Variants in SPDYA observed in about 807,000 individuals in gnomAD.
SPDYA encodes speedy protein A.
A neutral mutation model predicts 36.7 loss-of-function variants in SPDYA; 11 were observed. The ratio of observed to expected loss-of-function variants is 0.30; its 90% CI spans 0.19 to 0.50. The LOEUF (loss-of-function observed/expected upper bound fraction) is 0.50. SPDYA is among the 20% of genes least tolerant of loss of function. SPDYA has a pLI of 0.98. For missense variants in SPDYA, 287 were observed against 370.9 expected (o/e 0.77, Z 1.86); for synonymous variants, 115 against 118.7 (o/e 0.97, Z 0.20).
rs1409225264 is a variant in SPDYA, at chr2:28,850,511, T to A, written c.*570T>A. ...CTCTCTTTATTGTAAGTTTTTTCTT[T>A]ATTTATTTCCTTGCATATGTTTTAG... On this transcript the variant is annotated 3_prime_UTR_variant, in exon 8 of 8. Coordinates refer to ENST00000334056, the MANE Select transcript of SPDYA (RefSeq NM_182756.4). The A allele has an allele frequency of 2.7e-6, 2 of 736,796 alleles. No individual in the cohort carries two copies. The highest frequency in any genetic ancestry group is 3.7e-5 in the African/African-American group (2 of 54,360). 45.6% of individuals were successfully genotyped at this position (736,796 alleles called of 1,614,324 possible).
intron 7 of SPDYA, among the ~76,000 whole-genome samples, chr2:28,843,917 A>G (rs1227112695): frequency 6.6e-6 from 1 of 152,104 alleles, no homozygotes; most frequent in South Asian, 2.1e-4. Flanking sequence ...TGAAACATAG[A>G]TATATATTAT....
chr2:28,827,902 T>G (rs1668371090), intron 5 of SPDYA, among the ~76,000 whole-genome samples: 1 of 152,246 alleles, frequency 6.6e-6, no homozygotes, highest in Admixed American at 6.5e-5. Flanking sequence ...TTATTGATAC[T>G]GGCCTTCAGA....
intron 3 of SPDYA, among the ~76,000 whole-genome samples, chr2:28,817,032 A>G (rs1286183224): frequency 1.3e-5 from 2 of 152,154 alleles, no homozygotes; most frequent in Admixed American, 1.3e-4. Flanking sequence ...AAAGCAAGCT[A>G]GTTACGATTT....
At chr2:28,818,110 G>A (rs750196524) in intron 3 of SPDYA, among the ~76,000 whole-genome samples, 4 of 151,778 alleles carry the variant, frequency 2.6e-5, no homozygotes, top group Non-Finnish European at 4.4e-5. Flanking sequence ...GGCTACAGTT[G>A]AGCCAAGATC....
At chr2:28,822,530 G>A (rs1668193682) in intron 5 of SPDYA, 120 bp downstream of exon 5, 2 of 425,070 alleles carry the variant, frequency 4.7e-6, no homozygotes, top group African/African-American at 4.1e-5. Context: ...CTGTATAAAT[G>A]CTGTATGTTT....
chr2:28,848,026 C>T (rs1668926614), intron 7 of SPDYA, among the ~76,000 whole-genome samples: 1 of 152,164 alleles, frequency 6.6e-6, no homozygotes, highest in Non-Finnish European at 1.5e-5. Context: ...TGTGTAAGTA[C>T]ACTATGTAAT....
At chr2:28,848,801 T>C (rs1668953922) in intron 7 of SPDYA, among the ~76,000 whole-genome samples, 1 of 152,038 alleles carries the variant, frequency 6.6e-6, no homozygotes, top group Non-Finnish European at 1.5e-5. Flanking sequence ...CCCAGCACTT[T>C]GGGAGGTCAA....
chr2:28,815,027 AT>A (rs1667950829), intron 2 of SPDYA, among the ~76,000 whole-genome samples: 1 of 152,190 alleles, frequency 6.6e-6, no homozygotes, highest in South Asian at 2.1e-4. Context: ...CAAGCCCATA[AT>A]TCCCACACTT....
chr2:28,833,215 C>T (rs1429325388), intron 6 of SPDYA, among the ~76,000 whole-genome samples: 1 of 152,056 alleles, frequency 6.6e-6, no homozygotes, highest in Non-Finnish European at 1.5e-5. Flanking sequence ...TCAAAAGCCT[C>T]CAGTGTCTTC....
chr2:28,837,742 CTTTTTT>C (rs201687264), intron 6 of SPDYA, among the ~76,000 whole-genome samples: 1 of 132,598 alleles, frequency 7.5e-6, no homozygotes, highest in African/African-American at 2.9e-5. Flanking sequence ...AGAGTCAGTG[CTTTTTT>C]TTTTTTTTTT....
chr2:28,850,277 A>G lies in SPDYA; in HGVS notation c.*336A>G. 3 of 1,603,448 alleles carry G rather than the reference A, an allele frequency of 1.9e-6. No homozygotes were observed. Among genetic ancestry groups the G allele is most frequent in the Non-Finnish European group, 2.6e-6 (3 of 1,173,300 alleles). On this transcript the variant is annotated 3_prime_UTR_variant, in exon 8 of 8. Transcript: ENST00000334056. ...GAGAAGAAAAACATAAAGTCATTAT[A>G]TTAATTAAAAGAAAAAACACCATTT...
chr2:28,836,659 G>C (rs993452201), intron 6 of SPDYA, among the ~76,000 whole-genome samples: 2 of 151,796 alleles, frequency 1.3e-5, no homozygotes, highest in African/African-American at 4.8e-5. Flanking sequence ...TTCCCTTTTG[G>C]GTCTAAGCTC....
chr2:28,820,358 G>C (rs187193939), intron 4 of SPDYA, among the ~76,000 whole-genome samples: 334 of 152,030 alleles, frequency 2.2e-3, no homozygotes, highest in Non-Finnish European at 4.0e-3. Flanking sequence ...TGCTGAGGCG[G>C]GCAGATCACC....
rs777642524 is a variant in SPDYA, at chr2:28,822,399, C to T, written c.369C>T (p.Phe123=). ...TAAGTGAGCATACCAGGATAAATTT[C>T]TTTATTGCTCTGTAAGTATACTTTC... ...FTISEHTRIN[F]FIALYLANTV... Residue 123 remains phenylalanine (F), a synonymous_variant, in exon 5 of 8, where the codon TTC becomes TTT. Transcript: ENST00000334056. 6.5e-7 allele frequency: 1 copy of T among 1,527,678 alleles called. No homozygotes were observed. The highest frequency in any genetic ancestry group is 1.9e-5 in the Admixed American group (1 of 51,776). 94.6% of individuals were successfully genotyped at this position (1,527,678 alleles called of 1,614,324 possible).
In SPDYA at chr2:28,850,339, G is replaced by C. The variant is rs756642332; in HGVS notation, c.*398G>C. 4.3e-6 allele frequency: 7 copies of C among 1,609,864 alleles called. No homozygotes were observed. In the South Asian group the frequency reaches 7.8e-5, roughly 18 times the overall value. On this transcript the variant is annotated 3_prime_UTR_variant, in exon 8 of 8. Coordinates refer to ENST00000334056, the MANE Select transcript of SPDYA (RefSeq NM_182756.4). ...AAAACATTACTCACCTGTATGACCA[G>C]GTTGCCAGTGTACTGGTCTAGCAAC...
intron 7 of SPDYA, among the ~76,000 whole-genome samples, chr2:28,849,039 T>A (rs1668962184): frequency 2.0e-5 from 3 of 151,192 alleles, no homozygotes; most frequent in Non-Finnish European, 4.4e-5. Flanking sequence ...AATGAGAATC[T>A]GTCTCAAAAA....
intron 6 of SPDYA, among the ~76,000 whole-genome samples, chr2:28,838,171 G>A (rs1186429504): frequency 7.7e-6 from 1 of 129,982 alleles, no homozygotes; most frequent in Non-Finnish European, 1.6e-5. Context: ...GGTCATAGAA[G>A]TAACGGATTT....
intron 6 of SPDYA, among the ~76,000 whole-genome samples, chr2:28,830,200 CT>C (rs573724918): frequency 0.012 from 1,265 of 108,698 alleles, 9 homozygotes; most frequent in African/African-American, 0.025. Context: ...ATAGTAAGTA[CT>C]TTTTTTTTTT....
In SPDYA at chr2:28,849,888, A is replaced by T; in HGVS notation, c.889A>T (p.Asn297Tyr). Residue 297 changes from asparagine to tyrosine, a missense_variant, in exon 8 of 8, where the codon AAT becomes TAT. Physicochemically the swap from Asn to Tyr is moderately radical, Grantham distance 143. Transcript: ENST00000334056. ...DHQSNKGKKT[N>Y]FLKKDKSMEW... ...TCAATCAAATAAAGGAAAGAAAACTAATTTCTTGAAGAAAGACAAATCTAT... is the reference window on the plus strand; with the variant it reads ...TCAATCAAATAAAGGAAAGAAAACTTATTTCTTGAAGAAAGACAAATCTAT... 6.3e-7 allele frequency: 1 copy of T among 1,591,578 alleles called. No individual in the cohort carries two copies. Among genetic ancestry groups the T allele is most frequent in the Non-Finnish European group, 8.5e-7 (1 of 1,173,360 alleles).
Sources: allele counts gnomAD v4.1 joint callset (sites outside exome capture counted in the v4.1 genomes callset), GRCh38; gene constraint gnomAD v4.1.1; transcripts MANE v1.5; gene names NCBI Gene and HGNC (gene_info 2026-07-23, HGNC 2026-07-21).